ENOX2: variants seen among roughly 807,000 people sequenced by gnomAD.
ENOX2 encodes APK1 antigen.
ENOX2 carries 36 observed loss-of-function variants against 45.0 expected under a neutral mutation model. The observed-to-expected ratio is 0.80, with a 90% confidence interval of 0.61 to 1.06. ENOX2 has a LOEUF of 1.06. Among genes scored for constraint, ENOX2 ranks in the 50% least tolerant of loss-of-function variants. The pLI, the probability that ENOX2 is intolerant of heterozygous loss-of-function variation, is 0.00. For missense variants in ENOX2, 423 were observed against 462.5 expected (o/e 0.91, Z 0.78); for synonymous variants, 174 against 152.3 (o/e 1.14, Z -1.05).
intron 6 of ENOX2, among the ~76,000 whole-genome samples, chrX:130,672,084 G>A (rs1248990705): frequency 9.0e-6 from 1 of 111,406 alleles, no homozygotes; most frequent in African/African-American, 3.3e-5. Context: ...CAAGAAGCTA[G>A]AGAAAAGACT....
At chrX:130,813,703 C>T (rs144149869) in intron 2 of ENOX2, among the ~76,000 whole-genome samples, 44 of 111,826 alleles carry the variant, frequency 3.9e-4, no homozygotes, top group African/African-American at 1.4e-3. Flanking sequence ...TGCCATAAAA[C>T]GGTGAATTCC....
At chrX:130,846,003 C>T (rs1417134057) in intron 2 of ENOX2, among the ~76,000 whole-genome samples, 2 of 111,839 alleles carry the variant, frequency 1.8e-5, no homozygotes, top group Non-Finnish European at 3.8e-5. Flanking sequence ...GGCTCCTATA[C>T]AAATTCCTGC....
At chrX:130,677,781 T>G (rs2037191746) in intron 6 of ENOX2, among the ~76,000 whole-genome samples, 1 of 111,190 alleles carries the variant, frequency 9.0e-6, no homozygotes, top group South Asian at 3.9e-4. Flanking sequence ...AATAAATTCC[T>G]TTTCTTTATA....
At chrX:130,808,918 T>C (rs7878825) in intron 2 of ENOX2, among the ~76,000 whole-genome samples, 29,844 of 111,278 alleles carry the variant, frequency 0.27, 3,362 homozygotes, top group African/African-American at 0.43. Flanking sequence ...TTTCTTAGTA[T>C]ATCATAGAAT....
At chrX:130,872,487 C>G (rs1482470137) in intron 2 of ENOX2, among the ~76,000 whole-genome samples, 3 of 111,941 alleles carry the variant, frequency 2.7e-5, no homozygotes, top group African/African-American at 9.7e-5. Flanking sequence ...TTAATACTTA[C>G]AAAGTATTAC....
At chrX:130,897,248 T>C (rs1307748618) in intron 2 of ENOX2, among the ~76,000 whole-genome samples, 1 of 111,976 alleles carries the variant, frequency 8.9e-6, no homozygotes, top group Admixed American at 9.4e-5. Flanking sequence ...TGAAGTGTTA[T>C]GTACACAAAG....
chrX:130,707,849 G>A (rs886370670), intron 3 of ENOX2, among the ~76,000 whole-genome samples: 1 of 112,098 alleles, frequency 8.9e-6, no homozygotes, highest in Non-Finnish European at 1.9e-5. Context: ...CTGGACTAGA[G>A]TCTAACTCTA....
intron 2 of ENOX2, among the ~76,000 whole-genome samples, chrX:130,869,905 A>G (rs995671195): frequency 3.6e-5 from 4 of 112,457 alleles, no homozygotes; most frequent in Non-Finnish European, 7.5e-5. Context: ...TTAGCACAGC[A>G]TAACAGTGGC....
At chrX:130,800,144 C>T (rs985109642) in intron 2 of ENOX2, among the ~76,000 whole-genome samples, 1 of 111,028 alleles carries the variant, frequency 9.0e-6, no homozygotes, top group African/African-American at 3.3e-5. Flanking sequence ...ACCAAAGCTA[C>T]GCTCACATGT....
chrX:130,747,149 G>A (rs1392347188), intron 3 of ENOX2, among the ~76,000 whole-genome samples: 1 of 111,517 alleles, frequency 9.0e-6, no homozygotes. Context: ...GGGGAGTCAA[G>A]CTATGAAAAA....
intron 3 of ENOX2, among the ~76,000 whole-genome samples, chrX:130,712,235 G>A (rs2148246779): frequency 8.9e-6 from 1 of 112,107 alleles, no homozygotes; most frequent in East Asian, 2.8e-4. Context: ...AGCTTTGCAT[G>A]TATTATTACA....
intron 2 of ENOX2, among the ~76,000 whole-genome samples, chrX:130,789,033 G>A (rs1569502378): frequency 9.5e-6 from 1 of 105,796 alleles, no homozygotes; most frequent in Non-Finnish European, 1.9e-5. Context: ...CACGTATGAG[G>A]CTGCTTTAGA....
At chrX:130,857,332 T>C (rs1345637938) in intron 2 of ENOX2, among the ~76,000 whole-genome samples, 14 of 112,307 alleles carry the variant, frequency 1.2e-4, no homozygotes, top group East Asian at 2.8e-4. Flanking sequence ...AACAGTCATA[T>C]AGAGAAACTT....
chrX:130,743,124 G>A (rs1047585708), intron 3 of ENOX2, among the ~76,000 whole-genome samples: 14 of 111,740 alleles, frequency 1.3e-4, no homozygotes, highest in African/African-American at 4.6e-4. Flanking sequence ...GGAATGATGG[G>A]CCCAAAACTA....
At chrX:130,837,977 A>C (rs918729208) in intron 2 of ENOX2, among the ~76,000 whole-genome samples, 2 of 111,878 alleles carry the variant, frequency 1.8e-5, no homozygotes, top group African/African-American at 6.5e-5. Flanking sequence ...CAAATATTTG[A>C]AGACTCCTAT....
intron 3 of ENOX2, among the ~76,000 whole-genome samples, chrX:130,737,456 GCACA>G (rs112463994): frequency 5.0e-4 from 54 of 107,231 alleles, no homozygotes; most frequent in South Asian, 1.6e-3. Flanking sequence ...GCGTGCGCAC[GCACA>G]CACACACACA....
rs750362441 is a variant in ENOX2 at position 130,625,315 on chromosome X, T to C, written c.1745A>G (p.Ter582=). The C allele has an allele frequency of 2.5e-6, 3 of 1,210,196 alleles. No individual in the cohort carries two copies. Among genetic ancestry groups the C allele is most frequent in the Non-Finnish European group, 3.4e-6 (3 of 894,764 alleles). The part of the protein sequence containing the change: ...FCGFEGLKLT[*] ...TCCCAAGTTGTTAGGCAAAGAGATT[T>C]AGGTCAGCTTCAAGCCCTCGAAGCC... The change falls in exon 15 of 15, where the codon TAA becomes TGA. Residue 582 remains the stop codon, a stop_retained_variant. Transcript: ENST00000394363.
intron 3 of ENOX2, among the ~76,000 whole-genome samples, chrX:130,732,383 T>C (rs752121725): frequency 8.9e-6 from 1 of 111,846 alleles, no homozygotes; most frequent in South Asian, 3.8e-4. Flanking sequence ...CATTCCATGT[T>C]CATGGATTGA....
At chrX:130,739,077 A>T (rs2038922982) in intron 3 of ENOX2, among the ~76,000 whole-genome samples, 1 of 112,726 alleles carries the variant, frequency 8.9e-6, no homozygotes, top group Non-Finnish European at 1.9e-5. Flanking sequence ...CGAAATACAG[A>T]TGGTCCCTGA....
Sources: allele counts gnomAD v4.1 joint callset (sites outside exome capture counted in the v4.1 genomes callset), GRCh38; gene constraint gnomAD v4.1.1; transcripts MANE v1.5; gene names NCBI Gene and HGNC (gene_info 2026-07-23, HGNC 2026-07-21).